ARHGEF3: variants seen among roughly 807,000 people sequenced by gnomAD.
ARHGEF3 encodes Rho guanine nucleotide exchange factor 3.
In ARHGEF3, 28 loss-of-function variants were observed where a neutral mutation model predicts 63.2. The ratio of observed to expected loss-of-function variants is 0.44; its 90% CI spans 0.33 to 0.61. The LOEUF is 0.61. Among genes scored for constraint, ARHGEF3 ranks in the 20% least tolerant of loss-of-function variants. The pLI is 0.03. For missense variants in ARHGEF3, 533 were observed against 659.3 expected (o/e 0.81, Z 2.10); for synonymous variants, 266 against 254.2 (o/e 1.05, Z -0.44).
At chr3:56,949,973 G>A (rs1452555577) in intron 3 of ARHGEF3, among the ~76,000 whole-genome samples, 2 of 151,876 alleles carry the variant, frequency 1.3e-5, no homozygotes, top group Non-Finnish European at 2.9e-5. Context: ...CAGAAATAAT[G>A]CCGCATATCT....
intron 2 of ARHGEF3, among the ~76,000 whole-genome samples, chr3:57,023,857 G>T (rs1262117715): frequency 6.6e-6 from 1 of 152,194 alleles, no homozygotes. Context: ...ACTGCCCTGG[G>T]AATAGCTTGT....
intron 2 of ARHGEF3, among the ~76,000 whole-genome samples, chr3:56,976,770 T>A (rs1305827544): frequency 6.6e-6 from 1 of 152,146 alleles, no homozygotes; most frequent in African/African-American, 2.4e-5. Context: ...ACATGTTTAT[T>A]CCCAAACTGT....
chr3:56,792,700 A>G (rs1322616342), intron 1 of ARHGEF3, among the ~76,000 whole-genome samples: 1 of 152,266 alleles, frequency 6.6e-6, no homozygotes, highest in African/African-American at 2.4e-5. Context: ...AAATAATGTC[A>G]TTATGAACAA....
intron 7 of ARHGEF3, among the ~76,000 whole-genome samples, chr3:56,744,397 C>CTT (rs34368516): frequency 1.6e-5 from 2 of 124,494 alleles, no homozygotes; most frequent in African/African-American, 3.3e-5. Flanking sequence ...CTCAATAAAC[C>CTT]TTTTTTTTTT....
intron 2 of ARHGEF3, among the ~76,000 whole-genome samples, chr3:57,032,775 C>T (rs1703785564): frequency 6.6e-6 from 1 of 152,128 alleles, no homozygotes; most frequent in African/African-American, 2.4e-5. Context: ...TTTGAAGCCC[C>T]TAGGGTTAGA....
In ARHGEF3 at chr3:56,983,566, C is replaced by T. The variant is rs147593285; in HGVS notation, c.63-24677G>A. Among the ~76,000 whole-genome samples, 708 of 152,334 alleles carry T rather than the reference C, an allele frequency of 4.6e-3. 3 individuals carry two copies. The highest frequency in any genetic ancestry group is 0.016 in the African/African-American group (674 of 41,564). On this transcript the variant is annotated intron_variant, in intron 2 of 12. Transcript: ENST00000338458. ...CTACAAATAACTATGCAATTTCTAA[C>T]ACCAGAGAACAATGCATTTACAACA...
At chr3:57,073,624 C>A in intron 1 of ARHGEF3, 1 of 1,528,100 alleles carries the variant, frequency 6.5e-7, no homozygotes, top group South Asian at 1.3e-5. Context: ...GCTGCATGCT[C>A]CTCAGGGATT....
At chr3:57,069,408 CACAT>C (rs1283877497) in intron 1 of ARHGEF3, among the ~76,000 whole-genome samples, 2 of 151,178 alleles carry the variant, frequency 1.3e-5, no homozygotes, top group Admixed American at 6.6e-5. Context: ...CACACACACA[CACAT>C]TGTTTGTTTA....
At chr3:57,039,524 C>T (rs927238850) in intron 1 of ARHGEF3, among the ~76,000 whole-genome samples, 1 of 152,176 alleles carries the variant, frequency 6.6e-6, no homozygotes, top group Admixed American at 6.5e-5. Context: ...TAATCAATTA[C>T]CACACGCTTA....
At chr3:56,750,551 AT>A (rs1444661565) in intron 6 of ARHGEF3, among the ~76,000 whole-genome samples, 5 of 151,940 alleles carry the variant, frequency 3.3e-5, no homozygotes, top group South Asian at 2.1e-4. Context: ...TGACCATGAG[AT>A]TTTTTTTATG....
chr3:56,737,115 G>C, intron 8 of ARHGEF3, 70 bp downstream of exon 8: 1 of 1,413,482 alleles, frequency 7.1e-7, no homozygotes, highest in Non-Finnish European at 9.5e-7. Context: ...ATTCTAAGAG[G>C]AGGCTCCACA....
chr3:56,802,688 G>A (rs60475364), upstream of ARHGEF3, among the ~76,000 whole-genome samples: 6,083 of 152,216 alleles, frequency 0.04, 133 homozygotes, highest in African/African-American at 0.053. Context: ...TGTCCTTCAA[G>A]TATAAAGCTG....
At chr3:56,814,966 A>C (rs573558972) in intron 4 of ARHGEF3, among the ~76,000 whole-genome samples, 1 of 152,136 alleles carries the variant, frequency 6.6e-6, no homozygotes, top group East Asian at 1.9e-4. Context: ...TCATCTCTAC[A>C]ATAATAATAA....
chr3:57,076,902 A>C (rs995599447), intron 1 of ARHGEF3: 1 of 152,218 alleles, frequency 6.6e-6, no homozygotes, highest in African/African-American at 2.4e-5. Context: ...CCTATAAATC[A>C]ATGTATGAAT....
intron 2 of ARHGEF3, among the ~76,000 whole-genome samples, chr3:56,758,573 G>A (rs1297946837): frequency 6.6e-6 from 1 of 152,186 alleles, no homozygotes; most frequent in Non-Finnish European, 1.5e-5. Flanking sequence ...CCCTTAGGCT[G>A]GCACAAGTAG....
chr3:56,966,656 C>A (rs148063230), intron 2 of ARHGEF3, among the ~76,000 whole-genome samples: 87 of 152,030 alleles, frequency 5.7e-4, no homozygotes, highest in Non-Finnish European at 1.1e-3. Context: ...AAAGATATCC[C>A]TGGCAAGGGA....
chr3:56,966,657 T>G (rs1019384481), intron 2 of ARHGEF3, among the ~76,000 whole-genome samples: 1 of 151,836 alleles, frequency 6.6e-6, no homozygotes, highest in Non-Finnish European at 1.5e-5. Flanking sequence ...AAGATATCCC[T>G]GGCAAGGGAG....
At chr3:56,832,839 T>C (rs1365717926) in intron 4 of ARHGEF3, among the ~76,000 whole-genome samples, 1 of 152,222 alleles carries the variant, frequency 6.6e-6, no homozygotes, top group Non-Finnish European at 1.5e-5. Context: ...CATTTGCATA[T>C]GAAATGCCTG....
chr3:57,045,589 C>T (rs972606717), intron 1 of ARHGEF3, among the ~76,000 whole-genome samples: 6 of 152,218 alleles, frequency 3.9e-5, no homozygotes, highest in Non-Finnish European at 7.3e-5. Flanking sequence ...CTGCTGAGGG[C>T]TTCAAATGCT....
Sources: gnomAD v4.1 joint callset for allele counts (sites outside exome capture counted in the v4.1 genomes callset) on GRCh38, gnomAD v4.1.1 for gene constraint, MANE v1.5 for transcripts, NCBI Gene and HGNC (gene_info 2026-07-23, HGNC 2026-07-21) for gene names.